The following FEZ2 variants were observed in gnomAD, a reference collection of about 807,000 sequenced individuals.
FEZ2 encodes the protein fasciculation and elongation protein zeta 2.
Under a neutral mutation model 40.4 loss-of-function variants are expected in FEZ2, and 51 were observed. The ratio of observed to expected loss-of-function variants is 1.26; its 90% CI spans 1.01 to 1.59. The LOEUF (loss-of-function observed/expected upper bound fraction) is 1.59. Ranked by LOEUF, FEZ2 falls within the 40% of genes most tolerant of loss-of-function variation. FEZ2 has a pLI of 0.00. For missense variants in FEZ2, 640 were observed against 438.3 expected (o/e 1.46, Z -4.11); for synonymous variants, 242 against 172.0 (o/e 1.41, Z -3.18).
chr2:36,566,488 GA>G (rs965384204), intron 5 of FEZ2, among the ~76,000 whole-genome samples: 105 of 147,050 alleles, frequency 7.1e-4, no homozygotes, highest in Middle Eastern at 3.5e-3. Context: ...CTTAAGGACA[GA>G]AAAAAAAAAA....
At chr2:36,593,273 CT>C (rs2148352629) in intron 1 of FEZ2, among the ~76,000 whole-genome samples, 1 of 152,192 alleles carries the variant, frequency 6.6e-6, no homozygotes, top group African/African-American at 2.4e-5. Flanking sequence ...GCAGAAACCC[CT>C]GATAAACTCA....
At chr2:36,582,399 T>C (rs183752666) in intron 3 of FEZ2, among the ~76,000 whole-genome samples, 6 of 152,086 alleles carry the variant, frequency 3.9e-5, no homozygotes, top group South Asian at 2.1e-4. Flanking sequence ...AAACAGGAAA[T>C]ATAATAAGGT....
chr2:36,573,707 T>C (rs2125230605), intron 5 of FEZ2, among the ~76,000 whole-genome samples: 1 of 152,330 alleles, frequency 6.6e-6, no homozygotes, highest in East Asian at 1.9e-4. Context: ...ATATCACAAG[T>C]ATGTGTACCC....
intron 3 of FEZ2, 126 bp downstream of exon 3, chr2:36,583,227 C>G: frequency 3.3e-6 from 2 of 606,812 alleles, no homozygotes; most frequent in East Asian, 2.7e-5. Flanking sequence ...AACTATTAAG[C>G]CTGTATAACC....
At chr2:36,594,554 C>T (rs1410143340) in intron 1 of FEZ2, 1 of 165,784 alleles carries the variant, frequency 6.0e-6, no homozygotes, top group Admixed American at 6.4e-5. Flanking sequence ...GACTTATTCA[C>T]TATCATGAGA....
intron 5 of FEZ2, among the ~76,000 whole-genome samples, chr2:36,566,148 G>C (rs1157273816): frequency 6.6e-6 from 1 of 152,140 alleles, no homozygotes; most frequent in Non-Finnish European, 1.5e-5. Context: ...AGACCATCCT[G>C]GCTAACACAG....
intron 3 of FEZ2, among the ~76,000 whole-genome samples, chr2:36,582,678 T>C (rs1318319358): frequency 6.6e-6 from 1 of 152,226 alleles, no homozygotes; most frequent in East Asian, 1.9e-4. Context: ...ATTTTTAATG[T>C]ACTCCTCCCA....
intron 2 of FEZ2, among the ~76,000 whole-genome samples, chr2:36,585,596 G>C (rs1668878919): frequency 6.6e-6 from 1 of 152,182 alleles, no homozygotes; most frequent in African/African-American, 2.4e-5. Context: ...GGCTGAACTG[G>C]TCAGCTAATT....
rs866172855 is a variant in FEZ2, at chr2:36,595,808, G to C, written c.266+2069C>G. On this transcript the variant is annotated intron_variant, in intron 1 of 7. Transcript: ENST00000405912. ...TTTCATATGCATTCCCAAGTCAAGAGACATGCATTACCACCAACATATCAT... is the reference window on the plus strand; with the variant it reads ...TTTCATATGCATTCCCAAGTCAAGACACATGCATTACCACCAACATATCAT... 1.3e-5 allele frequency among the ~76,000 whole-genome samples: 2 copies of C among 152,172 alleles called. 1 individual carries two copies.
chr2:36,558,825 G>T (rs1014522904), intron 5 of FEZ2: 1 of 192,546 alleles, frequency 5.2e-6, no homozygotes, highest in Non-Finnish European at 1.1e-5. Context: ...TTTTTAAAGT[G>T]AAGTATTATC....
chr2:36,587,326 G>C (rs1011884787), intron 2 of FEZ2, among the ~76,000 whole-genome samples: 6 of 152,084 alleles, frequency 3.9e-5, no homozygotes, highest in African/African-American at 1.4e-4. Context: ...AACTAGCCCT[G>C]GCTGTCATGG....
At chr2:36,576,878 G>A (rs974757861) in intron 5 of FEZ2, among the ~76,000 whole-genome samples, 1 of 152,124 alleles carries the variant, frequency 6.6e-6, no homozygotes, top group South Asian at 2.1e-4. Flanking sequence ...AACCCCTCTA[G>A]GGATAAATTT....
chr2:36,561,741 A>G (rs1301889676), intron 5 of FEZ2, among the ~76,000 whole-genome samples: 1 of 152,198 alleles, frequency 6.6e-6, no homozygotes, highest in Non-Finnish European at 1.5e-5. Flanking sequence ...AAAGGAAGTG[A>G]AGGCCTGACT....
intron 7 of FEZ2, chr2:36,554,106 C>G (rs1667893721): frequency 2.4e-6 from 1 of 409,864 alleles, no homozygotes. Context: ...CAAGACAAAA[C>G]CACAACACAT....
chr2:36,559,880 T>C (rs921118931), intron 5 of FEZ2, among the ~76,000 whole-genome samples: 5 of 152,206 alleles, frequency 3.3e-5, no homozygotes, highest in Non-Finnish European at 1.5e-5. Context: ...ATGGAGCTCA[T>C]TGATGAGCTG....
intron 7 of FEZ2, chr2:36,554,176 GA>G (rs1667895127): frequency 2.1e-6 from 1 of 470,958 alleles, no homozygotes. Flanking sequence ...TTACAGACAG[GA>G]GCCAGCGGCC....
In FEZ2 at chr2:36,553,123, GA is replaced by G; in HGVS notation, c.*39del. 6.5e-7 allele frequency: 1 copy of G among 1,544,746 alleles called. No individual in the cohort carries two copies. The highest frequency in any genetic ancestry group is 8.8e-7 in the Non-Finnish European group (1 of 1,136,784). Reference sequence around the variant, plus strand: ...GCCAGCTCTCAGAATAATGCTGTCGGAAATCTAGCTTGGAGCCCACCGCAGA... The same window carrying G: ...GCCAGCTCTCAGAATAATGCTGTCGGAATCTAGCTTGGAGCCCACCGCAGA... On this transcript the variant is annotated 3_prime_UTR_variant, in exon 8 of 8. Transcript: ENST00000405912.
intron 5 of FEZ2, among the ~76,000 whole-genome samples, chr2:36,573,502 T>C (rs890127530): frequency 1.3e-5 from 2 of 152,240 alleles, no homozygotes; most frequent in African/African-American, 2.4e-5. Context: ...ATTCAAATAC[T>C]ACAAATCTAA....
intron 4 of FEZ2, among the ~76,000 whole-genome samples, chr2:36,579,299 C>A (rs1183423290): frequency 1.3e-5 from 2 of 152,168 alleles, no homozygotes; most frequent in East Asian, 1.9e-4. Context: ...AGGAGTTGAT[C>A]TGAAAGAATT....
Sources: gnomAD v4.1 joint callset for allele counts (sites outside exome capture counted in the v4.1 genomes callset) on GRCh38, gnomAD v4.1.1 for gene constraint, MANE v1.5 for transcripts, NCBI Gene and HGNC (gene_info 2026-07-23, HGNC 2026-07-21) for gene names.